The following CMSS1 variants were observed in gnomAD, a reference collection of about 807,000 sequenced individuals.
The protein encoded by CMSS1 is protein CMSS1.
A neutral mutation model predicts 43.5 loss-of-function variants in CMSS1; 33 were observed. The observed-to-expected ratio is 0.76, with a 90% CI of 0.57 to 1.01. CMSS1 has a LOEUF of 1.01. Ranked by LOEUF, CMSS1 falls within the 50% of genes least tolerant of loss-of-function variation. The probability of loss-of-function intolerance (pLI) is 0.00; values close to 1 mark genes in which losing one functional copy is unlikely to be tolerated. For synonymous variants in CMSS1, 115 were observed against 117.2 expected, an observed-to-expected ratio of 0.98 and a Z score of 0.12; for missense variants, 313 against 326.4, an observed-to-expected ratio of 0.96 and a Z score of 0.32.
At chr3:99,964,133 T>TA (rs1291822636) in intron 1 of CMSS1, among the ~76,000 whole-genome samples, 2 of 151,922 alleles carry the variant, frequency 1.3e-5, no homozygotes, top group Admixed American at 1.3e-4. Flanking sequence ...CCTATAGACT[T>TA]ATATGCTCAG....
At chr3:100,167,689 G>A in intron 5 of CMSS1, 49 bp from the exon 6 acceptor site, 3 of 1,187,774 alleles carry the variant, frequency 2.5e-6, no homozygotes, top group Non-Finnish European at 3.7e-6. Context: ...TGGGAGGTGT[G>A]CCCTGTTTTG....
At chr3:100,047,721 A>G (rs2065299929) in intron 1 of CMSS1, among the ~76,000 whole-genome samples, 1 of 152,208 alleles carries the variant, frequency 6.6e-6, no homozygotes, top group South Asian at 2.1e-4. Flanking sequence ...GTCTAGCTAT[A>G]GCCTCAATCA....
intron 1 of CMSS1, among the ~76,000 whole-genome samples, chr3:100,070,628 TG>T: frequency 6.6e-6 from 1 of 152,218 alleles, no homozygotes; most frequent in Admixed American, 6.5e-5. Context: ...GTTTTTTTGT[TG>T]TTGTTGTTTT....
In CMSS1 at chr3:99,826,940, T is replaced by G. The variant is rs1942547009; in HGVS notation, c.64+8897T>G. ...AACAGTTCATCAGGTGAAATCACTC[T>G]AGAATTATTAGGTCAGCTTCTTTTA... On this transcript the variant is annotated intron_variant, in intron 1 of 9. Coordinates refer to ENST00000421999, the MANE Select transcript of CMSS1 (RefSeq NM_032359.4). 1.3e-5 allele frequency among the ~76,000 whole-genome samples: 2 copies of G among 152,232 alleles called. 1 individual carries two copies. Among genetic ancestry groups the G allele is most frequent in the South Asian group, 4.1e-4 (2 of 4,834 alleles).
At chr3:100,136,294 CAAATA>C (rs1421525961) in intron 1 of CMSS1, among the ~76,000 whole-genome samples, 1 of 151,734 alleles carries the variant, frequency 6.6e-6, no homozygotes, top group Admixed American at 6.6e-5. Context: ...GAAAAAAAAA[CAAATA>C]AAACTGGACT....
At chr3:99,889,041 T>G (rs940459863) in intron 1 of CMSS1, among the ~76,000 whole-genome samples, 1 of 152,192 alleles carries the variant, frequency 6.6e-6, no homozygotes, top group Non-Finnish European at 1.5e-5. Flanking sequence ...ACTACATGGT[T>G]ACTTTTTGTT....
chr3:100,021,968 A>T (rs1364798358), intron 1 of CMSS1, among the ~76,000 whole-genome samples: 1,231 of 117,778 alleles, frequency 0.01, 13 homozygotes, highest in African/African-American at 0.033. Context: ...TGTGAGAGAG[A>T]GAGAGAGAGA....
At chr3:99,826,149 T>C (rs1191765647) in intron 1 of CMSS1, among the ~76,000 whole-genome samples, 1 of 152,232 alleles carries the variant, frequency 6.6e-6, no homozygotes, top group African/African-American at 2.4e-5. Context: ...CATAGAATTA[T>C]ACATTTTACT....
intron 9 of CMSS1, among the ~76,000 whole-genome samples, chr3:100,177,266 G>C (rs571064975): frequency 1.0e-3 from 155 of 152,244 alleles, no homozygotes; most frequent in African/African-American, 3.4e-3. Flanking sequence ...AAAACAATTT[G>C]CTCAGTTACA....
At chr3:100,146,904 A>AT in intron 1 of CMSS1, 69 bp from the exon 2 acceptor site, 1 of 1,544,284 alleles carries the variant, frequency 6.5e-7, no homozygotes, top group Non-Finnish European at 8.8e-7. Flanking sequence ...TTCTAGAAAG[A>AT]TGGTACCAAG....
intron 1 of CMSS1, among the ~76,000 whole-genome samples, chr3:100,021,900 G>C (rs931167687): frequency 8.3e-5 from 12 of 144,244 alleles, no homozygotes; most frequent in Non-Finnish European, 1.7e-4. Flanking sequence ...AGAATAGCTT[G>C]GATGCTAGAT....
chr3:100,177,378 C>T (rs1357457861), intron 9 of CMSS1, among the ~76,000 whole-genome samples: 1 of 152,186 alleles, frequency 6.6e-6, no homozygotes, highest in Non-Finnish European at 1.5e-5. Flanking sequence ...GGCATGAGGC[C>T]ATAGTTGATT....
intron 1 of CMSS1, among the ~76,000 whole-genome samples, chr3:99,952,845 A>G (rs540689320): frequency 2.0e-5 from 3 of 152,336 alleles, no homozygotes; most frequent in Admixed American, 6.5e-5. Context: ...GATAATTTCA[A>G]TCTTTATATG....
At chr3:100,154,737 C>A (rs1424465541) in intron 2 of CMSS1, among the ~76,000 whole-genome samples, 2 of 152,118 alleles carry the variant, frequency 1.3e-5, no homozygotes, top group Non-Finnish European at 2.9e-5. Flanking sequence ...CTTTGGGAGG[C>A]TGAGGCGGGC....
At chr3:99,968,069 T>C (rs1708705885) in intron 1 of CMSS1, among the ~76,000 whole-genome samples, 1 of 152,154 alleles carries the variant, frequency 6.6e-6, no homozygotes, top group African/African-American at 2.4e-5. Flanking sequence ...GGGGAAAACA[T>C]GTACAAAGAG....
intron 1 of CMSS1, among the ~76,000 whole-genome samples, chr3:100,092,404 T>C (rs1017437711): frequency 3.3e-5 from 5 of 152,096 alleles, no homozygotes; most frequent in Admixed American, 6.6e-5. Context: ...TAATAAGATT[T>C]GTTTTGAGTG....
chr3:99,874,013 C>T (rs1705377226), intron 1 of CMSS1, among the ~76,000 whole-genome samples: 1 of 152,110 alleles, frequency 6.6e-6, no homozygotes, highest in Non-Finnish European at 1.5e-5. Context: ...CCAAAGAGCC[C>T]AGTGTGAGAT....
chr3:100,141,766 CTT>C (rs923950433), intron 1 of CMSS1: 12 of 330,292 alleles, frequency 3.6e-5, no homozygotes, highest in Non-Finnish European at 6.5e-5. Context: ...CTGGCAGTGT[CTT>C]TTTTTTTAAG....
chr3:100,078,381 A>T (rs748589807), intron 1 of CMSS1, among the ~76,000 whole-genome samples: 17 of 152,220 alleles, frequency 1.1e-4, no homozygotes, highest in Non-Finnish European at 1.8e-4. Context: ...CGATGACATA[A>T]CACATATGTA....
Sources: allele counts gnomAD v4.1 joint callset (sites outside exome capture counted in the v4.1 genomes callset), GRCh38; gene constraint gnomAD v4.1.1; transcripts MANE v1.5; gene names NCBI Gene and HGNC (gene_info 2026-07-23, HGNC 2026-07-21).